CPA6: variants seen among roughly 807,000 people sequenced by gnomAD.
CPA6 encodes the protein carboxypeptidase A6.
Under a neutral mutation model 63.3 loss-of-function variants are expected in CPA6, and 58 were observed. The observed-to-expected ratio is 0.92, with a 90% confidence interval of 0.74 to 1.14. The LOEUF is 1.14. Ranked by LOEUF, CPA6 falls within the 50% of genes most tolerant of loss-of-function variation. CPA6 has a pLI of 0.00. For missense variants in CPA6, 565 were observed against 526.6 expected, an observed-to-expected ratio of 1.07 and a Z score of -0.71; for synonymous variants, 185 against 179.0, an observed-to-expected ratio of 1.03 and a Z score of -0.27.
intron 8 of CPA6, among the ~76,000 whole-genome samples, chr8:67,454,538 A>G (rs1185569335): frequency 6.6e-6 from 1 of 152,234 alleles, no homozygotes; most frequent in Non-Finnish European, 1.5e-5. Flanking sequence ...GAAAGGAGCA[A>G]GCAGCATCAA....
rs1183501110 is a variant in CPA6, at chr8:67,452,005, GAGTGATA to G, written c.839-17772_839-17766del. 2.4e-4 allele frequency among the ~76,000 whole-genome samples: 37 copies of G among 152,312 alleles called. 1 individual carries two copies. Among genetic ancestry groups the G allele is most frequent in the Admixed American group, 1.4e-3 (22 of 15,298 alleles). On this transcript the variant is annotated intron_variant, in intron 8 of 10. Coordinates refer to ENST00000297770, the MANE Select transcript of CPA6 (RefSeq NM_020361.5). ...CAATGCTTATTATCAAGAAAATACG[GAGTGATA>G]ACTTCATGACTAAGCATTTTCATAG... is the stretch of plus-strand genomic sequence containing the variant.
chr8:67,480,320 C>G (rs901390616), intron 8 of CPA6, among the ~76,000 whole-genome samples: 1 of 151,872 alleles, frequency 6.6e-6, no homozygotes, highest in African/African-American at 2.4e-5. Context: ...CCAAAAGAAA[C>G]CCCTTACCCC....
rs574454385 is a variant in CPA6, at chr8:67,493,104, C to T, written c.637-8315G>A. ...TCCATTAGGTAATTAAGAACAAAGA[C>T]GTGTTTGCTTACTCAGCTGAACTCA... is the stretch of plus-strand genomic sequence containing the variant. On this transcript the variant is annotated intron_variant, in intron 6 of 10. Coordinates refer to ENST00000297770, the MANE Select transcript of CPA6 (RefSeq NM_020361.5). Among the ~76,000 whole-genome samples, 15 of 152,238 alleles carry T rather than the reference C, an allele frequency of 9.9e-5. No individual in the cohort carries two copies. In the South Asian group the frequency reaches 1.9e-3, roughly 19 times the overall value.
At chr8:67,674,668 T>C (rs1816428507) in intron 1 of CPA6, among the ~76,000 whole-genome samples, 1 of 152,198 alleles carries the variant, frequency 6.6e-6, no homozygotes, top group Non-Finnish European at 1.5e-5. Flanking sequence ...ATTTCATTAC[T>C]GGGCATATAC....
intron 2 of CPA6, among the ~76,000 whole-genome samples, chr8:67,535,639 C>G (rs904425567): frequency 8.5e-5 from 13 of 152,146 alleles, no homozygotes; most frequent in African/African-American, 2.9e-4. Context: ...CAAAAATTTT[C>G]TCCCATTCTG....
At chr8:67,586,485 C>T (rs781387780) in intron 2 of CPA6, among the ~76,000 whole-genome samples, 11 of 151,974 alleles carry the variant, frequency 7.2e-5, no homozygotes, top group African/African-American at 2.7e-4. Flanking sequence ...ACAAGAGCTA[C>T]GAGTAGAGGT....
chr8:67,675,668 G>C (rs975187303), intron 1 of CPA6, among the ~76,000 whole-genome samples: 1 of 152,180 alleles, frequency 6.6e-6, no homozygotes, highest in African/African-American at 2.4e-5. Context: ...CACAACGAAA[G>C]GCCAGTCTGA....
chr8:67,526,852 T>C (rs1022268862), intron 2 of CPA6, among the ~76,000 whole-genome samples: 2 of 152,154 alleles, frequency 1.3e-5, no homozygotes, highest in African/African-American at 2.4e-5. Flanking sequence ...TGAGTGAACA[T>C]TAGATGACTT....
intron 2 of CPA6, among the ~76,000 whole-genome samples, chr8:67,597,357 C>A (rs930595333): frequency 6.6e-6 from 1 of 152,018 alleles, no homozygotes; most frequent in Non-Finnish European, 1.5e-5. Flanking sequence ...CACAACCACA[C>A]CCAGCTAATT....
chr8:67,464,005 AC>A (rs773763114), intron 8 of CPA6, among the ~76,000 whole-genome samples: 8 of 152,096 alleles, frequency 5.3e-5, no homozygotes, highest in Non-Finnish European at 1.2e-4. Context: ...TTTGGGTAAA[AC>A]CATTTGTTTT....
At chr8:67,710,414 A>G (rs1475451273) in intron 1 of CPA6, among the ~76,000 whole-genome samples, 1 of 26,348 alleles carries the variant, frequency 3.8e-5, no homozygotes, top group Non-Finnish European at 8.5e-5. Flanking sequence ...CCCCCCCCCA[A>G]CCCCCCACCC....
intron 1 of CPA6, among the ~76,000 whole-genome samples, chr8:67,724,264 G>A (rs1280075686): frequency 1.3e-5 from 2 of 152,108 alleles, no homozygotes; most frequent in Non-Finnish European, 2.9e-5. Context: ...TTCTCTAGCT[G>A]TAGGGCCTCT....
At chr8:67,620,015 G>A (rs1474326357) in intron 2 of CPA6, among the ~76,000 whole-genome samples, 29 of 152,178 alleles carry the variant, frequency 1.9e-4, no homozygotes, top group Admixed American at 6.5e-5. Flanking sequence ...AGTGTCCGCT[G>A]GGCTGCCTCC....
chr8:67,651,945 A>G lies in CPA6; in HGVS notation c.117-27694T>C, dbSNP rs377371691. Among the ~76,000 whole-genome samples the G allele has an allele frequency of 7.0e-5, 10 of 143,152 alleles. 1 individual carries two copies. The highest frequency in any genetic ancestry group is 2.8e-4 in the Admixed American group (4 of 14,090). 93.9% of individuals were successfully genotyped at this position (143,152 alleles called of 152,430 possible). A position where few individuals can be genotyped will look rare whatever the true frequency, so the allele number is the denominator to read the frequency against. On this transcript the variant is annotated intron_variant, in intron 1 of 10. Coordinates refer to ENST00000297770, the MANE Select transcript of CPA6 (RefSeq NM_020361.5). ...GTGTGATGTTCCCCTACCTGTGTCC[A>G]TGTGTTCTCATTGTTCAATTCCCAC...
chr8:67,738,205 C>T (rs1209806433), intron 1 of CPA6, among the ~76,000 whole-genome samples: 1 of 152,134 alleles, frequency 6.6e-6, no homozygotes, highest in Non-Finnish European at 1.5e-5. Context: ...CAGATCTGGC[C>T]CCCTGGCTAA....
At position 67,733,846 on chromosome 8, in the gene CPA6, C is replaced by CTTTTTT. The variant is rs10696053; in HGVS notation, c.116+12162_116+12167dup. On this transcript the variant is annotated intron_variant, in intron 1 of 10. Coordinates refer to ENST00000297770, the MANE Select transcript of CPA6 (RefSeq NM_020361.5). ...TAACTCGGGTCAAATGCTGCATCGT[C>CTTTTTT]TTTTTTTTTTTTTTTTTTTTTTGAG... Among the ~76,000 whole-genome samples the CTTTTTT allele has an allele frequency of 5.4e-4, 51 of 94,918 alleles. 1 individual carries two copies. The highest frequency in any genetic ancestry group is 1.1e-3 in the East Asian group (3 of 2,696). 62.3% of individuals were successfully genotyped at this position (94,918 alleles called of 152,430 possible). A position where few individuals can be genotyped will look rare whatever the true frequency, so the allele number is the denominator to read the frequency against.
intron 8 of CPA6, among the ~76,000 whole-genome samples, chr8:67,453,934 T>C (rs1479956780): frequency 6.6e-6 from 1 of 152,230 alleles, no homozygotes; most frequent in Non-Finnish European, 1.5e-5. Flanking sequence ...CTTGAGTCGA[T>C]GCTGTTTGCC....
At chr8:67,443,067 C>CTT (rs113694942) in intron 8 of CPA6, among the ~76,000 whole-genome samples, 1 of 145,328 alleles carries the variant, frequency 6.9e-6, no homozygotes, top group Admixed American at 6.9e-5. Flanking sequence ...CTAGCCTATT[C>CTT]TTTTTTTTTT....
chr8:67,434,225 A>G lies in CPA6; in HGVS notation c.854T>C (p.Met285Thr). Residue 285 changes from methionine to threonine, a missense_variant, in exon 9 of 11, where the codon ATG becomes ACG. Physicochemically the swap from Met to Thr is moderately conservative, Grantham distance 81. Coordinates refer to ENST00000297770, the MANE Select transcript of CPA6 (RefSeq NM_020361.5). ...KVKWCDEGAS[M>T]HPCDDTYCGP... ...ACAGTATGTGTCATCACAAGGGTGC[A>G]TAGAAGCTCCTTCATCTGCAAGTCA... 2 of 1,613,952 alleles carry G rather than the reference A, an allele frequency of 1.2e-6. No individual in the cohort carries two copies. Among genetic ancestry groups the G allele is most frequent in the East Asian group, 2.2e-5 (1 of 44,878 alleles).
Sources: gnomAD v4.1 joint callset for allele counts (sites outside exome capture counted in the v4.1 genomes callset) on GRCh38, gnomAD v4.1.1 for gene constraint, MANE v1.5 for transcripts, NCBI Gene and HGNC (gene_info 2026-07-23, HGNC 2026-07-21) for gene names.